PHC3: variants seen among roughly 807,000 people sequenced by gnomAD.
The protein encoded by PHC3 is polyhomeotic-like protein 3.
A neutral mutation model predicts 107.4 loss-of-function variants in PHC3; 13 were observed. The ratio of observed to expected loss-of-function variants is 0.12; its 90% CI spans 0.08 to 0.19. PHC3 has a LOEUF of 0.19. Among genes scored for constraint, PHC3 ranks in the 10% least tolerant of loss-of-function variants. The pLI, the probability that PHC3 is intolerant of heterozygous loss-of-function variation, is 1.00. For missense variants in PHC3, 992 were observed against 1,210.9 expected, an observed-to-expected ratio of 0.82 and a Z score of 2.68; for synonymous variants, 456 against 427.4, an observed-to-expected ratio of 1.07 and a Z score of -0.83.
chr3:170,099,036 T>C (rs1471018532), intron 14 of PHC3, among the ~76,000 whole-genome samples: 2 of 152,082 alleles, frequency 1.3e-5, no homozygotes, highest in African/African-American at 4.8e-5. Flanking sequence ...CAGTCTTACT[T>C]ACAAGAACAC....
chr3:170,179,885 G>A (rs776436888), intron 1 of PHC3, among the ~76,000 whole-genome samples: 13 of 152,110 alleles, frequency 8.5e-5, no homozygotes, highest in Non-Finnish European at 1.8e-4. Context: ...AAGCACACAA[G>A]AGATTATACT....
chr3:170,175,443 G>C (rs968900296), intron 2 of PHC3, among the ~76,000 whole-genome samples: 2 of 151,870 alleles, frequency 1.3e-5, no homozygotes, highest in African/African-American at 4.8e-5. Context: ...GTCAAGACTA[G>C]CCTGGGCGAC....
chr3:170,171,770 G>A (rs1729639099), intron 3 of PHC3, among the ~76,000 whole-genome samples: 1 of 152,292 alleles, frequency 6.6e-6, no homozygotes, highest in East Asian at 1.9e-4. Context: ...GCTACAGCAA[G>A]AGCCAGTGAG....
At chr3:170,129,879 T>C (rs991876671) in intron 7 of PHC3, among the ~76,000 whole-genome samples, 6 of 152,128 alleles carry the variant, frequency 3.9e-5, no homozygotes, top group African/African-American at 4.8e-5. Flanking sequence ...TCTGTATTTT[T>C]AGTAGAGACG....
At chr3:170,133,408 A>G (rs533368491) in intron 7 of PHC3, among the ~76,000 whole-genome samples, 7 of 152,196 alleles carry the variant, frequency 4.6e-5, no homozygotes, top group African/African-American at 1.7e-4. Flanking sequence ...CGATCTCTTG[A>G]CCTCATGATC....
chr3:170,103,133 A>G (rs1187199659), intron 12 of PHC3, among the ~76,000 whole-genome samples, 199 bp from the exon 13 acceptor site: 1 of 152,220 alleles, frequency 6.6e-6, no homozygotes, highest in East Asian at 1.9e-4. Context: ...TGTGTATACC[A>G]TAATATATCT....
At chr3:170,163,861 CA>C (rs200514068) in intron 4 of PHC3, among the ~76,000 whole-genome samples, 4,150 of 84,348 alleles carry the variant, frequency 0.049, 24 homozygotes, top group Non-Finnish European at 0.058. Flanking sequence ...AGACTCTGTC[CA>C]AAAAAAAAAA....
At chr3:170,136,220 T>C (rs180779593) in intron 7 of PHC3, 199 bp downstream of exon 7, 37 of 586,682 alleles carry the variant, frequency 6.3e-5, no homozygotes, top group South Asian at 4.7e-4. Flanking sequence ...AAAAAACCTA[T>C]TATATTGTTA....
chr3:170,095,857 C>G lies in PHC3; in HGVS notation c.*1373G>C, dbSNP rs1714580723. On this transcript the variant is annotated 3_prime_UTR_variant, in exon 15 of 15. Transcript: ENST00000495893. Reference sequence around the variant, plus strand: ...TTACATTTTTTTCCTCAAACATGTACATACAAAATTATATCCGATGGTTCA... The same window carrying G: ...TTACATTTTTTTCCTCAAACATGTAGATACAAAATTATATCCGATGGTTCA... 1 of 152,072 alleles carries G rather than the reference C, an allele frequency of 6.6e-6. No homozygotes were observed. Among genetic ancestry groups the G allele is most frequent in the African/African-American group, 2.4e-5 (1 of 41,406 alleles). The allele number at this position is 152,072 out of a possible 1,614,324, so 9.4% of individuals were successfully genotyped here.
At chr3:170,168,462 A>C (rs1328151226) in intron 4 of PHC3, among the ~76,000 whole-genome samples, 1 of 152,122 alleles carries the variant, frequency 6.6e-6, no homozygotes, top group Non-Finnish European at 1.5e-5. Context: ...AGAGCCAAAC[A>C]ATCATAAAAT....
At chr3:170,165,311 A>T (rs1374011766) in intron 4 of PHC3, among the ~76,000 whole-genome samples, 1 of 152,224 alleles carries the variant, frequency 6.6e-6, no homozygotes, top group Non-Finnish European at 1.5e-5. Flanking sequence ...AAAAAGGTCA[A>T]ATAAGATCAC....
At chr3:170,159,789 A>G (rs1727573935) in intron 4 of PHC3, among the ~76,000 whole-genome samples, 2 of 152,222 alleles carry the variant, frequency 1.3e-5, no homozygotes, top group African/African-American at 4.8e-5. Context: ...AAAAACAGGC[A>G]GTTACCCCAG....
At chr3:170,174,149 T>C (rs1255657533) in intron 2 of PHC3, among the ~76,000 whole-genome samples, 2 of 151,802 alleles carry the variant, frequency 1.3e-5, no homozygotes, top group Non-Finnish European at 2.9e-5. Context: ...CCAGAGATCA[T>C]GCCACTGCAC....
chr3:170,126,940 A>G (rs1207018448), intron 8 of PHC3, among the ~76,000 whole-genome samples: 1 of 151,208 alleles, frequency 6.6e-6, no homozygotes, highest in African/African-American at 2.4e-5. Flanking sequence ...GTTTGTTTTT[A>G]TTTTTAAATT....
In PHC3 at chr3:170,102,834, C is replaced by T; in HGVS notation, c.2569G>A (p.Asp857Asn). The T allele has an allele frequency of 1.2e-6, 2 of 1,613,946 alleles. No homozygotes were observed. Among genetic ancestry groups the T allele is most frequent in the Non-Finnish European group, 1.7e-6 (2 of 1,179,858 alleles). The change falls in exon 13 of 15, where the codon GAT (aspartate) becomes AAT (asparagine). Residue 857 changes from aspartate to asparagine, a missense_variant. This residue lies in a region of PHC3 where 228 missense variants were observed against 288.8 expected (regional missense o/e 0.79). Coordinates refer to ENST00000495893, the MANE Select transcript of PHC3 (RefSeq NM_024947.4). ...AGGATATGTTCTCTCGCTGCCCCAT[C>T]AGGGCCACTTGGACGACGGCCACGA... Reference protein sequence around the residue: ...GHRGRRPSGPDGAAREHILRQ... With the variant: ...GHRGRRPSGPNGAAREHILRQ...
intron 14 of PHC3, 66 bp downstream of exon 14, chr3:170,102,413 G>A (rs970355544): frequency 8.4e-6 from 13 of 1,554,818 alleles, no homozygotes; most frequent in Non-Finnish European, 1.0e-5. Context: ...AGGTGTGGAT[G>A]TATCTAACAT....
At chr3:170,171,246 G>A (rs1244064767) in intron 4 of PHC3, 127 bp downstream of exon 4, 2 of 636,794 alleles carry the variant, frequency 3.1e-6, no homozygotes, top group Non-Finnish European at 5.3e-6. Context: ...TTCTATTTCT[G>A]GGCAATTGTT....
At chr3:170,098,306 A>G (rs1259143425) in intron 14 of PHC3, among the ~76,000 whole-genome samples, 2 of 152,168 alleles carry the variant, frequency 1.3e-5, no homozygotes, top group Non-Finnish European at 2.9e-5. Context: ...TTCTTGAGAG[A>G]CAGTAAAATT....
chr3:170,142,349 C>T (rs1724246024), intron 6 of PHC3, among the ~76,000 whole-genome samples: 1 of 152,090 alleles, frequency 6.6e-6, no homozygotes, highest in Non-Finnish European at 1.5e-5. Flanking sequence ...GCTCCAAAGT[C>T]CGTATTATAA....
Sources: allele counts gnomAD v4.1 joint callset (sites outside exome capture counted in the v4.1 genomes callset), GRCh38; gene constraint gnomAD v4.1.1; regional missense constraint gnomAD v4.1.1; transcripts MANE v1.5; gene names NCBI Gene and HGNC (gene_info 2026-07-23, HGNC 2026-07-21).